HMGCLL1: variants seen among roughly 807,000 people sequenced by gnomAD.
The protein encoded by HMGCLL1 is 3-hydroxy-3-methylglutaryl-CoA lyase like 1, also known as 3-hydroxymethyl-3-methylglutaryl-CoA lyase, cytoplasmic.
In HMGCLL1, 36 loss-of-function variants were observed where a neutral mutation model predicts 39.1. The observed-to-expected ratio is 0.92, with a 90% CI of 0.71 to 1.22. The LOEUF is 1.22. HMGCLL1 is among the 50% of genes most tolerant of loss of function. The pLI is 0.00. For missense variants in HMGCLL1, 451 were observed against 416.5 expected, an observed-to-expected ratio of 1.08 and a Z score of -0.72; for synonymous variants, 149 against 144.0, an observed-to-expected ratio of 1.03 and a Z score of -0.25.
At chr6:55,443,883 G>C (rs1403896714) in intron 7 of HMGCLL1, among the ~76,000 whole-genome samples, 9 of 151,982 alleles carry the variant, frequency 5.9e-5, no homozygotes, top group Non-Finnish European at 1.0e-4. Flanking sequence ...AAAAAAGTCA[G>C]GCTCAAAAGA....
At chr6:55,451,525 G>T (rs932292394) in intron 7 of HMGCLL1, among the ~76,000 whole-genome samples, 4 of 151,832 alleles carry the variant, frequency 2.6e-5, no homozygotes, top group Admixed American at 6.6e-5. Flanking sequence ...ACTCCTGCCT[G>T]GGCAACAGAG....
chr6:55,438,621 A>G (rs1271487383), intron 8 of HMGCLL1, among the ~76,000 whole-genome samples: 1 of 152,066 alleles, frequency 6.6e-6, no homozygotes, highest in Non-Finnish European at 1.5e-5. Context: ...AAGGAGTAGA[A>G]GTGAGGAATA....
At chr6:55,638,915 T>A in the HMGCLL1 span, among the ~76,000 whole-genome samples, 14 of 152,270 alleles carry the variant, frequency 9.2e-5, no homozygotes, top group East Asian at 5.8e-4. Context: ...TTCTAAATAT[T>A]GCTAAGAATA....
At chr6:55,549,824 C>T (rs77742691) in intron 1 of HMGCLL1, among the ~76,000 whole-genome samples, 3,609 of 151,874 alleles carry the variant, frequency 0.024, 184 homozygotes, top group African/African-American at 0.083. Flanking sequence ...GAAATCACAT[C>T]AGTGATGTGC....
At chr6:55,469,921 G>T (rs1246108720) in intron 7 of HMGCLL1, among the ~76,000 whole-genome samples, 2 of 151,772 alleles carry the variant, frequency 1.3e-5, no homozygotes, top group Non-Finnish European at 2.9e-5. Context: ...AAGATTAACC[G>T]ATTAGAATGT....
chr6:55,642,798 C>T, the HMGCLL1 span, among the ~76,000 whole-genome samples: 1 of 152,010 alleles, frequency 6.6e-6, no homozygotes, highest in South Asian at 2.1e-4. Context: ...CATCACCTTC[C>T]ACCCTCAAGT....
the HMGCLL1 span, among the ~76,000 whole-genome samples, chr6:55,611,563 A>C: frequency 6.6e-6 from 1 of 152,170 alleles, no homozygotes; most frequent in African/African-American, 2.4e-5. Context: ...CAAAATCATC[A>C]ATAAAATACT....
chr6:55,513,963 A>G, intron 5 of HMGCLL1, 85 bp downstream of exon 5: 1 of 1,144,426 alleles, frequency 8.7e-7, no homozygotes, highest in Non-Finnish European at 1.3e-6. Context: ...ATTTTTATAA[A>G]TGATATAAGA....
the HMGCLL1 span, among the ~76,000 whole-genome samples, chr6:55,669,124 A>C: frequency 5.9e-5 from 9 of 151,820 alleles, no homozygotes; most frequent in Non-Finnish European, 1.3e-4. Flanking sequence ...TTAAAAAAAA[A>C]AAAAAAGAAA....
At chr6:55,636,527 T>A in the HMGCLL1 span, among the ~76,000 whole-genome samples, 1 of 152,154 alleles carries the variant, frequency 6.6e-6, no homozygotes, top group Non-Finnish European at 1.5e-5. Context: ...TCTTTTAAAT[T>A]CAATTGCTGG....
the HMGCLL1 span, among the ~76,000 whole-genome samples, chr6:55,622,361 A>T: frequency 6.6e-6 from 1 of 152,028 alleles, no homozygotes; most frequent in Non-Finnish European, 1.5e-5. Flanking sequence ...CTTAGAGGAA[A>T]GGCTTTTCAG....
chr6:55,552,341 G>A (rs1026946131), intron 1 of HMGCLL1, among the ~76,000 whole-genome samples: 5 of 151,960 alleles, frequency 3.3e-5, no homozygotes, highest in African/African-American at 1.2e-4. Context: ...ATGAGTACAG[G>A]TGCATCTTCT....
intron 5 of HMGCLL1, among the ~76,000 whole-genome samples, chr6:55,506,841 G>GA (rs56735794): frequency 4.6e-5 from 7 of 150,638 alleles, no homozygotes; most frequent in East Asian, 3.9e-4. Flanking sequence ...AACTTAAAAA[G>GA]AAAAAAAAAA....
At chr6:55,436,844 CATG>C (rs1311411255) in intron 8 of HMGCLL1, among the ~76,000 whole-genome samples, 1 of 151,890 alleles carries the variant, frequency 6.6e-6, no homozygotes. Context: ...AAATTATTTT[CATG>C]ATGTCTTTTT....
intron 5 of HMGCLL1, among the ~76,000 whole-genome samples, chr6:55,506,753 A>T (rs1767186044): frequency 6.6e-6 from 1 of 151,646 alleles, no homozygotes; most frequent in Non-Finnish European, 1.5e-5. Context: ...AAAGCCCAAA[A>T]ATAGTGAGGT....
chr6:55,540,543 T>C (rs1769367493), intron 3 of HMGCLL1, among the ~76,000 whole-genome samples: 1 of 152,122 alleles, frequency 6.6e-6, no homozygotes, highest in Admixed American at 6.6e-5. Context: ...AGACACTGGA[T>C]CTGCCAGCAC....
chr6:55,455,421 T>C (rs1764281847), intron 7 of HMGCLL1, among the ~76,000 whole-genome samples: 1 of 152,168 alleles, frequency 6.6e-6, no homozygotes, highest in Non-Finnish European at 1.5e-5. Flanking sequence ...AATGGTGCAG[T>C]TGAAGCCAGT....
the HMGCLL1 span, among the ~76,000 whole-genome samples, chr6:55,601,802 A>G: frequency 1.3e-5 from 2 of 152,178 alleles, no homozygotes; most frequent in East Asian, 1.9e-4. Flanking sequence ...GGTATATTTT[A>G]TAATGTTAAT....
chr6:55,641,901 TA>T, the HMGCLL1 span, among the ~76,000 whole-genome samples: 48 of 147,534 alleles, frequency 3.3e-4, no homozygotes, highest in African/African-American at 1.1e-3. Context: ...TTTATTTATT[TA>T]TTTATTTATT....
Sources: gnomAD v4.1 joint callset for allele counts (sites outside exome capture counted in the v4.1 genomes callset) on GRCh38, gnomAD v4.1.1 for gene constraint, MANE v1.5 for transcripts, NCBI Gene and HGNC (gene_info 2026-07-23, HGNC 2026-07-21) for gene names.